The following PTPRD variants were observed in gnomAD, a reference collection of about 807,000 sequenced individuals.
PTPRD encodes the protein protein tyrosine phosphatase receptor type D.
Under a neutral mutation model 214.5 loss-of-function variants are expected in PTPRD, and 34 were observed. That is an observed-to-expected ratio of 0.16 (90% CI 0.12 to 0.21). PTPRD has a LOEUF of 0.21. Ranked by LOEUF, PTPRD falls within the 10% of genes least tolerant of loss-of-function variation. The probability of loss-of-function intolerance (pLI) is 1.00; values close to 1 mark genes in which losing one functional copy is unlikely to be tolerated. For synonymous variants in PTPRD, 1,128 were observed against 845.7 expected, an observed-to-expected ratio of 1.33 and a Z score of -5.79; for missense variants, 2,545 against 2,398.7, an observed-to-expected ratio of 1.06 and a Z score of -1.27.
chr9:8,437,199 T>G lies in PTPRD; in HGVS notation c.3989-510A>C, dbSNP rs190764618. The G allele has an allele frequency of 1.3e-4, 196 of 1,523,848 alleles. 2 individuals are homozygous for G. In the Middle Eastern group the frequency reaches 2.6e-3, roughly 20 times the overall value. The allele number at this position is 1,523,848 out of a possible 1,614,324, so 94.4% of individuals were successfully genotyped here. ...TATGCATAATCAAGGAAAACTAACT[T>G]GAAGAATGAAGGTTACCAGGGTAAC... On this transcript the variant is annotated intron_variant, in intron 34 of 45. Coordinates refer to ENST00000381196, the MANE Select transcript of PTPRD (RefSeq NM_002839.4).
intron 14 of PTPRD, among the ~76,000 whole-genome samples, chr9:8,556,558 A>G (rs2083826694): frequency 6.6e-6 from 1 of 152,140 alleles, no homozygotes; most frequent in South Asian, 2.1e-4. Context: ...TGTGTATTTT[A>G]TATTTCTTTA....
At chr9:9,794,172 T>TAC (rs1295281942) in intron 5 of PTPRD, among the ~76,000 whole-genome samples, 1 of 149,086 alleles carries the variant, frequency 6.7e-6, no homozygotes, top group Admixed American at 6.7e-5. Flanking sequence ...TATATATATA[T>TAC]ACATGTATAT....
intron 8 of PTPRD, among the ~76,000 whole-genome samples, chr9:9,419,201 G>A (rs969609296): frequency 6.7e-6 from 1 of 149,936 alleles, no homozygotes; most frequent in Non-Finnish European, 1.5e-5. Flanking sequence ...AATATAGTCT[G>A]TATCATTTAT....
At chr9:9,606,364 G>A (rs1366403515) in intron 7 of PTPRD, among the ~76,000 whole-genome samples, 1 of 151,950 alleles carries the variant, frequency 6.6e-6, no homozygotes, top group South Asian at 2.1e-4. Flanking sequence ...TAAAACAACA[G>A]CAATTTCTTT....
chr9:9,193,762 G>A (rs886735208), intron 9 of PTPRD, among the ~76,000 whole-genome samples: 1 of 152,108 alleles, frequency 6.6e-6, no homozygotes, highest in South Asian at 2.1e-4. Context: ...CCCTGGGTGA[G>A]TCTGTGAGCG....
At chr9:8,524,876 C>A (rs747176184) in intron 18 of PTPRD, 49 bp downstream of exon 18, 1 of 1,514,294 alleles carries the variant, frequency 6.6e-7, no homozygotes, top group South Asian at 1.1e-5. Flanking sequence ...CGTCTCAACT[C>A]CCCCTGAGCC....
chr9:9,510,199 T>G (rs2096667170), intron 8 of PTPRD, among the ~76,000 whole-genome samples: 1 of 151,766 alleles, frequency 6.6e-6, no homozygotes, highest in African/African-American at 2.4e-5. Context: ...CAACACTTAT[T>G]TGGCTTCCCA....
At chr9:9,694,148 A>G (rs1280782280) in intron 7 of PTPRD, among the ~76,000 whole-genome samples, 2 of 151,994 alleles carry the variant, frequency 1.3e-5, no homozygotes, top group Non-Finnish European at 2.9e-5. Flanking sequence ...TGGCGTGTTG[A>G]TTTTTACAGA....
chr9:9,643,075 G>C (rs1408175896), intron 7 of PTPRD, among the ~76,000 whole-genome samples: 1 of 152,210 alleles, frequency 6.6e-6, no homozygotes, highest in Non-Finnish European at 1.5e-5. Flanking sequence ...GTATGACAGA[G>C]AGGGAGAGAG....
At chr9:8,961,598 G>A (rs1005909212) in intron 11 of PTPRD, among the ~76,000 whole-genome samples, 1 of 152,064 alleles carries the variant, frequency 6.6e-6, no homozygotes, top group African/African-American at 2.4e-5. Flanking sequence ...CAAGGTTGAG[G>A]ACATTAACTG....
chr9:9,285,214 T>C (rs1948987715), intron 9 of PTPRD, among the ~76,000 whole-genome samples: 1 of 151,732 alleles, frequency 6.6e-6, no homozygotes, highest in South Asian at 2.1e-4. Flanking sequence ...GTTCTGAAAA[T>C]AGTACTTGTC....
chr9:9,657,537 A>G (rs886659623), intron 7 of PTPRD, among the ~76,000 whole-genome samples: 4 of 152,196 alleles, frequency 2.6e-5, no homozygotes, highest in Non-Finnish European at 5.9e-5. Context: ...CCAACATGGC[A>G]CAGGTATACC....
intron 3 of PTPRD, among the ~76,000 whole-genome samples, chr9:10,287,554 CTCCCCT>C (rs1235720067): frequency 1.3e-5 from 2 of 152,090 alleles, no homozygotes; most frequent in Admixed American, 1.3e-4. Context: ...AACCAGGCCT[CTCCCCT>C]GGGAGAGTAG....
intron 2 of PTPRD, among the ~76,000 whole-genome samples, chr9:10,479,722 G>A (rs1416076064): frequency 6.6e-6 from 1 of 151,486 alleles, no homozygotes; most frequent in Non-Finnish European, 1.5e-5. Context: ...CTACTTGGGA[G>A]GCTGAGGTAA....
At chr9:9,141,950 A>G (rs1428292837) in intron 10 of PTPRD, among the ~76,000 whole-genome samples, 2 of 152,200 alleles carry the variant, frequency 1.3e-5, no homozygotes, top group South Asian at 2.1e-4. Flanking sequence ...CCAGAGAGCA[A>G]TAATAATGCC....
chr9:9,414,284 C>G (rs2076351118), intron 8 of PTPRD, among the ~76,000 whole-genome samples: 1 of 152,230 alleles, frequency 6.6e-6, no homozygotes, highest in South Asian at 2.1e-4. Flanking sequence ...AAATTAACCT[C>G]TCACTGTGTT....
At chr9:8,426,601 A>G (rs921166472) in intron 35 of PTPRD, among the ~76,000 whole-genome samples, 4 of 152,180 alleles carry the variant, frequency 2.6e-5, no homozygotes, top group Admixed American at 2.0e-4. Flanking sequence ...TCAAGGGCCA[A>G]TTAGTTATAG....
At chr9:10,289,887 G>A (rs2095479641) in intron 3 of PTPRD, among the ~76,000 whole-genome samples, 1 of 152,170 alleles carries the variant, frequency 6.6e-6, no homozygotes, top group South Asian at 2.1e-4. Flanking sequence ...AGTGTTCAGA[G>A]AAAAACAGAT....
chr9:9,683,089 C>G, intron 7 of PTPRD, among the ~76,000 whole-genome samples: 1 of 151,788 alleles, frequency 6.6e-6, no homozygotes, highest in East Asian at 1.9e-4. Flanking sequence ...ATGGCAAGGT[C>G]ATTAGGCTAA....
Sources: allele counts gnomAD v4.1 joint callset (sites outside exome capture counted in the v4.1 genomes callset), GRCh38; gene constraint gnomAD v4.1.1; transcripts MANE v1.5; gene names NCBI Gene and HGNC (gene_info 2026-07-23, HGNC 2026-07-21).